The following IL15 variants were observed in gnomAD, a reference collection of about 807,000 sequenced individuals.
The protein encoded by IL15 is interleukin-15.
In IL15, 11 loss-of-function variants were observed where a neutral mutation model predicts 19.6. The ratio of observed to expected loss-of-function variants is 0.56; its 90% CI spans 0.35 to 0.93. IL15 has a LOEUF of 0.93. IL15 is among the 40% of genes least tolerant of loss of function. IL15 has a pLI of 0.01. For missense variants in IL15, 197 were observed against 186.5 expected (o/e 1.06, Z -0.33); for synonymous variants, 58 against 59.6 (o/e 0.97, Z 0.12).
chr4:141,695,813 TA>T (rs1449803841), intron 2 of IL15, among the ~76,000 whole-genome samples: 2 of 152,212 alleles, frequency 1.3e-5, no homozygotes, highest in East Asian at 3.9e-4. Context: ...TTGAGTTGTT[TA>T]AATTCACTAT....
intron 1 of IL15, among the ~76,000 whole-genome samples, chr4:141,652,633 G>A (rs1727448740): frequency 6.6e-6 from 1 of 152,056 alleles, no homozygotes; most frequent in Admixed American, 6.6e-5. Context: ...CTAAGTATTT[G>A]GAACAAGAGA....
chr4:141,662,366 A>G (rs1192859372), intron 2 of IL15, among the ~76,000 whole-genome samples: 1 of 152,244 alleles, frequency 6.6e-6, no homozygotes, highest in Non-Finnish European at 1.5e-5. Flanking sequence ...AAGACTATAG[A>G]TTTTGGAATG....
chr4:141,655,439 T>C (rs775535733), intron 1 of IL15, among the ~76,000 whole-genome samples: 1 of 152,082 alleles, frequency 6.6e-6, no homozygotes, highest in Admixed American at 6.5e-5. Flanking sequence ...TTAAACTGAA[T>C]GTAAGTTTTT....
intron 2 of IL15, among the ~76,000 whole-genome samples, chr4:141,679,712 A>G (rs1239119170): frequency 6.6e-6 from 1 of 152,238 alleles, no homozygotes; most frequent in Admixed American, 6.5e-5. Context: ...ACATGGCTAC[A>G]CAATGTCTTA....
intron 2 of IL15, among the ~76,000 whole-genome samples, chr4:141,673,792 A>G (rs541853806): frequency 6.6e-6 from 1 of 152,136 alleles, no homozygotes; most frequent in South Asian, 2.1e-4. Context: ...ATTCTTTTTA[A>G]TTTCATTATA....
In IL15 at chr4:141,731,020, A is replaced by T. The variant is rs571955254; in HGVS notation, c.378+1036A>T. Among the ~76,000 whole-genome samples the T allele has an allele frequency of 1.2e-4, 18 of 152,268 alleles. No homozygotes were observed. The South Asian group carries it at 3.5e-3, about 30-fold the overall frequency. On this transcript the variant is annotated intron_variant, in intron 7 of 7. Transcript: ENST00000320650. ...GGCTCCAGTTAGGGTAGGCTGAGCTAATAAGCTGCCATTTGACAAAGATGT... is the reference window on the plus strand; with the variant it reads ...GGCTCCAGTTAGGGTAGGCTGAGCTTATAAGCTGCCATTTGACAAAGATGT...
At chr4:141,706,536 T>C (rs1729522307) in intron 2 of IL15, among the ~76,000 whole-genome samples, 1 of 152,116 alleles carries the variant, frequency 6.6e-6, no homozygotes. Context: ...CACACGTTTT[T>C]ATTATAGTAA....
At chr4:141,718,306 A>G (rs893904380) in intron 2 of IL15, 2 of 152,108 alleles carry the variant, frequency 1.3e-5, no homozygotes, top group South Asian at 2.1e-4. Context: ...ATTCAAGGAT[A>G]CCACAACTAA....
chr4:141,695,468 C>T lies in IL15; in HGVS notation c.-99-23898C>T, dbSNP rs557367413. The stretch of plus-strand genomic sequence containing the variant: ...TGAATATATATCACATTGTATTTAT[C>T]CATTCATTTAGTTGGAGACTTAAGG... On this transcript the variant is annotated intron_variant, in intron 2 of 7. Coordinates refer to ENST00000320650, the MANE Select transcript of IL15 (RefSeq NM_000585.5). 1.0e-3 allele frequency among the ~76,000 whole-genome samples: 153 copies of T among 151,850 alleles called. 5 individuals carry two copies. Among genetic ancestry groups the T allele is most frequent in the Non-Finnish European group, 8.1e-4 (55 of 67,904 alleles).
At chr4:141,684,003 G>T (rs572693155) in intron 2 of IL15, among the ~76,000 whole-genome samples, 1 of 152,036 alleles carries the variant, frequency 6.6e-6, no homozygotes, top group Non-Finnish European at 1.5e-5. Flanking sequence ...GGTTTTCTTC[G>T]CCAAAAATAC....
intron 2 of IL15, among the ~76,000 whole-genome samples, chr4:141,706,445 A>C (rs533430731): frequency 1.4e-4 from 22 of 152,202 alleles, no homozygotes; most frequent in Admixed American, 1.4e-3. Context: ...TAGAGGATTA[A>C]AAGATTTGCA....
At chr4:141,687,326 A>G (rs1369627273) in intron 2 of IL15, among the ~76,000 whole-genome samples, 1 of 152,190 alleles carries the variant, frequency 6.6e-6, no homozygotes, top group East Asian at 1.9e-4. Context: ...TATTAGGGTC[A>G]CAGGTAAGGT....
chr4:141,684,036 G>A (rs747804071), intron 2 of IL15, among the ~76,000 whole-genome samples: 3 of 152,204 alleles, frequency 2.0e-5, no homozygotes, highest in Non-Finnish European at 4.4e-5. Context: ...AACAGTAACA[G>A]AGAGTGCTAC....
At chr4:141,667,160 C>G (rs1162394356) in intron 2 of IL15, among the ~76,000 whole-genome samples, 1 of 152,174 alleles carries the variant, frequency 6.6e-6, no homozygotes, top group Non-Finnish European at 1.5e-5. Context: ...CTTCATCTGA[C>G]TGTTTATTTG....
At chr4:141,721,510 A>G (rs529415053) in intron 4 of IL15, 26 of 538,456 alleles carry the variant, frequency 4.8e-5, no homozygotes, top group African/African-American at 4.5e-4. Flanking sequence ...CATGAAAATG[A>G]TTATTACTCA....
At chr4:141,687,061 A>T (rs1016531794) in intron 2 of IL15, among the ~76,000 whole-genome samples, 3 of 152,188 alleles carry the variant, frequency 2.0e-5, no homozygotes, top group African/African-American at 7.2e-5. Flanking sequence ...CCACATTCTG[A>T]CTTCCTCCCT....
intron 1 of IL15, among the ~76,000 whole-genome samples, chr4:141,652,088 G>A (rs530668193): frequency 1.3e-5 from 2 of 152,156 alleles, no homozygotes; most frequent in East Asian, 3.9e-4. Flanking sequence ...AAAGCTGAAA[G>A]GCATAGGAGA....
chr4:141,683,593 G>GA (rs538489428), intron 2 of IL15, among the ~76,000 whole-genome samples: 40 of 147,474 alleles, frequency 2.7e-4, no homozygotes, highest in African/African-American at 4.0e-4. Context: ...AAAGAAAAAA[G>GA]AAAAAAAAAC....
intron 5 of IL15, among the ~76,000 whole-genome samples, chr4:141,726,803 G>A (rs1015611666): frequency 6.6e-6 from 1 of 152,064 alleles, no homozygotes; most frequent in Non-Finnish European, 1.5e-5. Flanking sequence ...AGGGTATTAT[G>A]ATGAGTGAAA....
Sources: gnomAD v4.1 joint callset for allele counts (sites outside exome capture counted in the v4.1 genomes callset) on GRCh38, gnomAD v4.1.1 for gene constraint, MANE v1.5 for transcripts, NCBI Gene and HGNC (gene_info 2026-07-23, HGNC 2026-07-21) for gene names.